PCDHGB5: variants seen among roughly 807,000 people sequenced by gnomAD.
PCDHGB5 encodes the protein protocadherin gamma subfamily B, 5, also known as protocadherin gamma-B5.
PCDHGB5 carries 48 observed loss-of-function variants against 62.9 expected under a neutral mutation model. The ratio of observed to expected loss-of-function variants is 0.76; its 90% CI spans 0.61 to 0.97. The LOEUF (loss-of-function observed/expected upper bound fraction) is 0.97, where lower values mean the gene tolerates loss of function less well. Ranked by LOEUF, PCDHGB5 falls within the 50% of genes least tolerant of loss-of-function variation. PCDHGB5 has a pLI of 0.00. For synonymous variants in PCDHGB5, 474 were observed against 511.2 expected (o/e 0.93, Z 0.98); for missense variants, 1,118 against 1,198.6 (o/e 0.93, Z 0.99).
In PCDHGB5 at chr5:141,487,186, A is replaced by G; in HGVS notation, c.2398-7621A>G. 4 of 1,613,760 alleles carry G rather than the reference A, an allele frequency of 2.5e-6. No individual in the cohort carries two copies. The highest frequency in any genetic ancestry group is 2.5e-6 in the Non-Finnish European group (3 of 1,179,662). ...TGTCCTTAGAGGAAGACACTCATCC[A>G]GTTGTCCCAGATCTTCGAGAATCTT... is the stretch of plus-strand genomic sequence containing the variant. On this transcript the variant is annotated intron_variant, in intron 1 of 3. Coordinates refer to ENST00000617380, the MANE Select transcript of PCDHGB5 (RefSeq NM_018925.3). This position sits in a 1 kb window ranked among gnomAD's most constrained non-coding sequence, Gnocchi z 5.0.
In PCDHGB5 at chr5:141,432,540, T is replaced by C. The variant is rs147884705; in HGVS notation, c.2397+32016T>C. The C allele has an allele frequency of 1.2e-6, 2 of 1,613,726 alleles. No homozygotes were observed. The highest frequency in any genetic ancestry group is 2.2e-5 in the South Asian group (2 of 91,058). On this transcript the variant is annotated intron_variant, in intron 1 of 3. Transcript: ENST00000617380. The surrounding 1 kb of genome is among the most constrained non-coding windows in gnomAD (Gnocchi z 6.0). ...TACCTGGTGACCAAGGTGGTGGCGG[T>C]GGACAGAGACTCCGGCCAGAACGCC...
At chr5:141,434,337 C>T (rs939910421) in intron 1 of PCDHGB5, among the ~76,000 whole-genome samples, 13 of 152,230 alleles carry the variant, frequency 8.5e-5, no homozygotes, top group African/African-American at 2.4e-4. Context: ...CTCTTTGTGT[C>T]GGGAACAGGC....
intron 1 of PCDHGB5, among the ~76,000 whole-genome samples, chr5:141,402,781 T>G (rs1456317365): frequency 1.3e-5 from 2 of 152,200 alleles, no homozygotes; most frequent in Non-Finnish European, 2.9e-5. Context: ...GATTTCCAGT[T>G]CTGCGGCTAC....
chr5:141,455,725 C>T (rs1001661569), intron 1 of PCDHGB5, among the ~76,000 whole-genome samples: 4 of 152,136 alleles, frequency 2.6e-5, no homozygotes, highest in South Asian at 2.1e-4. Context: ...TAATGGCCTG[C>T]ATTTGCATAT....
intron 1 of PCDHGB5, among the ~76,000 whole-genome samples, chr5:141,435,715 A>T (rs528951395): frequency 5.9e-5 from 9 of 152,210 alleles, no homozygotes; most frequent in Non-Finnish European, 1.0e-4. Context: ...ACAGACACTG[A>T]ATGCTAAAGT....
intron 1 of PCDHGB5, chr5:141,419,183 A>G (rs1453963573): frequency 1.9e-6 from 3 of 1,613,958 alleles, no homozygotes; most frequent in Non-Finnish European, 1.7e-6. Context: ...AACCCTGCAC[A>G]TTACTGACGT....
At chr5:141,449,106 T>A (rs2154562506) in intron 1 of PCDHGB5, among the ~76,000 whole-genome samples, 2 of 152,314 alleles carry the variant, frequency 1.3e-5, no homozygotes, top group East Asian at 3.9e-4. Context: ...ATGCAGTATA[T>A]CTTTGGGATG....
In PCDHGB5 at chr5:141,450,032, G is replaced by A. The variant is rs146567243; in HGVS notation, c.2398-44775G>A. Among the ~76,000 whole-genome samples the A allele has an allele frequency of 4.6e-3, 607 of 131,666 alleles. 4 individuals are homozygous for A. The highest frequency in any genetic ancestry group is 0.017 in the African/African-American group (550 of 33,158). The allele number at this position is 131,666 out of a possible 152,430, so 86.4% of individuals were successfully genotyped here. A position where few individuals can be genotyped will look rare whatever the true frequency, so the allele number is the denominator to read the frequency against. On this transcript the variant is annotated intron_variant, in intron 1 of 3. Transcript: ENST00000617380. ...TTTTTTTTTTTTTTTTTTGAGACAG[G>A]GTCTCACTCTTTCGCCCAGGCTGGA... is the stretch of plus-strand genomic sequence containing the variant.
chr5:141,497,060 G>A (rs1244885752), intron 2 of PCDHGB5, among the ~76,000 whole-genome samples: 1 of 151,952 alleles, frequency 6.6e-6, no homozygotes, highest in African/African-American at 2.4e-5. Context: ...GTGGTGGCAG[G>A]CACCTGTAAT....
chr5:141,409,861 A>C, intron 1 of PCDHGB5: 1 of 1,612,406 alleles, frequency 6.2e-7, no homozygotes, highest in Non-Finnish European at 8.5e-7. Context: ...TGTTGGTGGG[A>C]GACCGCAATG....
At chr5:141,446,093 GA>G (rs1217618203) in intron 1 of PCDHGB5, among the ~76,000 whole-genome samples, 1 of 152,118 alleles carries the variant, frequency 6.6e-6, no homozygotes, top group Admixed American at 6.5e-5. Flanking sequence ...ATAAATGGAT[GA>G]ATTATAGATA....
intron 1 of PCDHGB5, chr5:141,409,349 A>G: frequency 6.2e-7 from 1 of 1,614,030 alleles, no homozygotes. Context: ...TGGAGAAGTC[A>G]GGTGTAATAT....
At chr5:141,436,471 A>G (rs1249793994) in intron 1 of PCDHGB5, among the ~76,000 whole-genome samples, 1 of 152,204 alleles carries the variant, frequency 6.6e-6, no homozygotes, top group Non-Finnish European at 1.5e-5. Flanking sequence ...TTTCAGATGT[A>G]TCATAGAAGG....
rs1308866536 is a variant in PCDHGB5 at position 141,464,896 on chromosome 5, GT to G, written c.2398-29910del. On this transcript the variant is annotated intron_variant, in intron 1 of 3. Coordinates refer to ENST00000617380, the MANE Select transcript of PCDHGB5 (RefSeq NM_018925.3). ...TAGGACTACAGATGGATGCCACCAT[GT>G]CCAGCTAATTTTTTTATTTTTTTGT... 2.0e-5 allele frequency among the ~76,000 whole-genome samples: 3 copies of G among 151,672 alleles called. No homozygotes were observed. The East Asian group carries it at 5.8e-4, about 30-fold the overall frequency.
chr5:141,426,797 C>A (rs1487716495), intron 1 of PCDHGB5: 1 of 456,706 alleles, frequency 2.2e-6, no homozygotes, highest in Non-Finnish European at 4.4e-6. Context: ...GTTACCAGCT[C>A]AGTTCTAATG....
chr5:141,439,830 C>T (rs2098134193), intron 1 of PCDHGB5: 1 of 152,352 alleles, frequency 6.6e-6, no homozygotes, highest in South Asian at 2.1e-4. Context: ...GCTGGAGCAG[C>T]AGCAACTCTA....
At chr5:141,494,250 G>C (rs908660385) in intron 1 of PCDHGB5, among the ~76,000 whole-genome samples, 3 of 152,182 alleles carry the variant, frequency 2.0e-5, no homozygotes, top group African/African-American at 7.2e-5. Flanking sequence ...TTTAGCTGTG[G>C]GAAGAGATTC....
chr5:141,413,804 C>A, intron 1 of PCDHGB5: 7 of 1,613,194 alleles, frequency 4.3e-6, no homozygotes, highest in Non-Finnish European at 5.9e-6. Context: ...GAGGAAGAGG[C>A]CATTCACCAC....
intron 1 of PCDHGB5, chr5:141,442,382 T>C (rs1256682275): frequency 6.6e-6 from 1 of 152,290 alleles, no homozygotes; most frequent in East Asian, 1.9e-4. Flanking sequence ...CTACCAGGTG[T>C]GTGCTTCTCC....
Sources: gnomAD v4.1 joint callset for allele counts (sites outside exome capture counted in the v4.1 genomes callset) on GRCh38, gnomAD v4.1.1 for gene constraint, Gnocchi (gnomAD v3.1) non-coding constraint, MANE v1.5 for transcripts, NCBI Gene and HGNC (gene_info 2026-07-23, HGNC 2026-07-21) for gene names.